Variants in MYO1D observed in about 807,000 individuals in gnomAD.
MYO1D encodes the protein unconventional myosin-Id.
A neutral mutation model predicts 122.0 loss-of-function variants in MYO1D; 83 were observed. That is an observed-to-expected ratio of 0.68 (90% CI 0.57 to 0.82). MYO1D has a LOEUF of 0.82. Ranked by LOEUF, MYO1D falls within the 40% of genes least tolerant of loss-of-function variation. MYO1D has a pLI of 0.00. For missense variants in MYO1D, 1,157 were observed against 1,269.5 expected (o/e 0.91, Z 1.35); for synonymous variants, 464 against 446.9 (o/e 1.04, Z -0.48).
At chr17:32,625,114 T>C (rs926153368) in intron 20 of MYO1D, among the ~76,000 whole-genome samples, 1 of 152,190 alleles carries the variant, frequency 6.6e-6, no homozygotes, top group South Asian at 2.1e-4. Flanking sequence ...TAATGGACCA[T>C]ACCTTCGGAG....
chr17:32,528,275 T>C (rs1283348254), intron 21 of MYO1D, among the ~76,000 whole-genome samples: 1 of 152,226 alleles, frequency 6.6e-6, no homozygotes, highest in Non-Finnish European at 1.5e-5. Flanking sequence ...TCTAGCCTCC[T>C]CTGCCCTTTG....
chr17:32,724,978 G>A (rs762078722), intron 14 of MYO1D, among the ~76,000 whole-genome samples: 10 of 152,084 alleles, frequency 6.6e-5, no homozygotes, highest in Admixed American at 2.0e-4. Context: ...CAAGTAAACT[G>A]GAATTAGAAA....
At chr17:32,855,242 A>G (rs1221512970) in intron 1 of MYO1D, among the ~76,000 whole-genome samples, 1 of 152,150 alleles carries the variant, frequency 6.6e-6, no homozygotes, top group East Asian at 1.9e-4. Context: ...AAGAATGTAC[A>G]CATCTTTAGT....
chr17:32,613,590 A>G (rs1567910185), intron 20 of MYO1D, among the ~76,000 whole-genome samples: 1 of 152,044 alleles, frequency 6.6e-6, no homozygotes, highest in Non-Finnish European at 1.5e-5. Context: ...CCTAGCCAAC[A>G]TGGTGAAACT....
intron 21 of MYO1D, among the ~76,000 whole-genome samples, chr17:32,552,380 T>C (rs1466691079): frequency 1.9e-5 from 2 of 107,436 alleles, no homozygotes. Flanking sequence ...TGGCCTGCAT[T>C]GCTCACTCTT....
chr17:32,529,263 C>T (rs1364225602), intron 21 of MYO1D, among the ~76,000 whole-genome samples: 1 of 152,072 alleles, frequency 6.6e-6, no homozygotes, highest in African/African-American at 2.4e-5. Context: ...ACAAGCTGCC[C>T]CAGGTAGTCT....
At chr17:32,832,404 T>A (rs9902571) in intron 1 of MYO1D, among the ~76,000 whole-genome samples, 7,626 of 151,786 alleles carry the variant, frequency 0.05, 585 homozygotes, top group African/African-American at 0.17. Flanking sequence ...GGTTCATGCC[T>A]TTCTCCTGCC....
intron 16 of MYO1D, among the ~76,000 whole-genome samples, chr17:32,683,933 G>A (rs1239189516): frequency 1.3e-5 from 2 of 152,174 alleles, no homozygotes; most frequent in East Asian, 3.8e-4. Flanking sequence ...AGCCAGGTGT[G>A]GCATATAGTC....
intron 16 of MYO1D, among the ~76,000 whole-genome samples, chr17:32,661,210 T>C (rs189374147): frequency 1.3e-5 from 2 of 152,306 alleles, no homozygotes; most frequent in South Asian, 2.1e-4. Flanking sequence ...TATTTAGGTT[T>C]TTAATAGTTG....
intron 21 of MYO1D, among the ~76,000 whole-genome samples, chr17:32,496,572 C>T (rs995242240): frequency 6.6e-6 from 1 of 152,226 alleles, no homozygotes; most frequent in Non-Finnish European, 1.5e-5. Context: ...CGGCGGGGTC[C>T]AGGTGGGGCC....
chr17:32,853,045 C>A (rs2091002309), intron 1 of MYO1D, among the ~76,000 whole-genome samples: 1 of 152,202 alleles, frequency 6.6e-6, no homozygotes, highest in Non-Finnish European at 1.5e-5. Context: ...AGAACAATAG[C>A]CTCAGCCTGT....
At chr17:32,824,005 T>G (rs2090698977) in intron 1 of MYO1D, among the ~76,000 whole-genome samples, 1 of 144,170 alleles carries the variant, frequency 6.9e-6, no homozygotes, top group Admixed American at 7.2e-5. Context: ...AGGTGGAGCT[T>G]GCAGTGAGCC....
chr17:32,538,791 T>C (rs1435710783), intron 21 of MYO1D, among the ~76,000 whole-genome samples: 1 of 152,170 alleles, frequency 6.6e-6, no homozygotes, highest in Non-Finnish European at 1.5e-5. Flanking sequence ...ATCATGTCCT[T>C]TGCAGGAACA....
In MYO1D at chr17:32,550,100, AT is replaced by A. The variant is rs35465683; in HGVS notation, c.2864+54986del. Among the ~76,000 whole-genome samples, 808 of 143,006 alleles carry A rather than the reference AT, an allele frequency of 5.7e-3. 4 individuals are homozygous for A. Among genetic ancestry groups the A allele is most frequent in the African/African-American group, 0.014 (559 of 39,046 alleles). 93.8% of individuals were successfully genotyped at this position (143,006 alleles called of 152,430 possible). ...AATGATTTTCAAGCTTTGAGCTATAATTTTTTTTTTTTTTTTTGAGATGGAG... is the reference window on the plus strand; with the variant it reads ...AATGATTTTCAAGCTTTGAGCTATAATTTTTTTTTTTTTTTTGAGATGGAG... On this transcript the variant is annotated intron_variant, in intron 21 of 21. Coordinates refer to ENST00000318217, the MANE Select transcript of MYO1D (RefSeq NM_015194.3).
intron 21 of MYO1D, among the ~76,000 whole-genome samples, chr17:32,499,906 T>C (rs113529829): frequency 2.0e-4 from 31 of 152,194 alleles, no homozygotes; most frequent in African/African-American, 7.5e-4. Context: ...GAGGCTGCAG[T>C]GAGCCGAGAC....
chr17:32,780,577 T>C lies in MYO1D; in HGVS notation c.303A>G (p.Ser101=), dbSNP rs1335552954. ...ATACAGGGGATCCCCTCCAATTACCTGATATCACAATACAAGTGTCTTTTG... is the reference window on the plus strand; with the variant it reads ...ATACAGGGGATCCCCTCCAATTACCCGATATCACAATACAAGTGTCTTTTG... ...RRSKDTCIVI[S]GESGAGKTEA... is the part of the protein sequence containing the mutation. Residue 101 remains serine (S), a splice_region_variant and synonymous_variant, in exon 2 of 22, where the codon TCA becomes TCG. Transcript: ENST00000318217. 1 of 1,613,646 alleles carries C rather than the reference T, an allele frequency of 6.2e-7. No individual in the cohort carries two copies. The highest frequency in any genetic ancestry group is 8.5e-7 in the Non-Finnish European group (1 of 1,179,826).
rs1411781111 is a variant in MYO1D, at chr17:32,712,131, T to G, written c.1978A>C (p.Lys660Gln). ...AAACCACACCGTTCAATTAGTTTCTTGACAGCCTCTTTGTCTGAAGGAAGG... is the reference window on the plus strand; with the variant it reads ...AAACCACACCGTTCAATTAGTTTCTGGACAGCCTCTTTGTCTGAAGGAAGG... ...HDLPSDKEAVKKLIERCGFQD... is the reference protein window; with the variant it reads ...HDLPSDKEAVQKLIERCGFQD... Residue 660 changes from lysine (K) to glutamine (Q), a missense_variant, in exon 16 of 22, where the codon AAG (lysine) becomes CAG (glutamine). Coordinates refer to ENST00000318217, the MANE Select transcript of MYO1D (RefSeq NM_015194.3). The G allele has an allele frequency of 6.2e-7, 1 of 1,614,148 alleles. No individual in the cohort carries two copies. Among genetic ancestry groups the G allele is most frequent in the Non-Finnish European group, 8.5e-7 (1 of 1,180,006 alleles).
At chr17:32,861,548 G>C (rs1025873592) in intron 1 of MYO1D, among the ~76,000 whole-genome samples, 1 of 152,016 alleles carries the variant, frequency 6.6e-6, no homozygotes, top group African/African-American at 2.4e-5. Context: ...CCCTTCAATT[G>C]CTCCCCAACA....
At chr17:32,848,181 A>C (rs1213401088) in intron 1 of MYO1D, among the ~76,000 whole-genome samples, 1 of 152,238 alleles carries the variant, frequency 6.6e-6, no homozygotes, top group Non-Finnish European at 1.5e-5. Flanking sequence ...AATGCTATAA[A>C]ACATATGATT....
Sources: allele counts gnomAD v4.1 joint callset (sites outside exome capture counted in the v4.1 genomes callset), GRCh38; gene constraint gnomAD v4.1.1; transcripts MANE v1.5; gene names NCBI Gene and HGNC (gene_info 2026-07-23, HGNC 2026-07-21).